KIF26B: variants seen among roughly 807,000 people sequenced by gnomAD.
KIF26B encodes kinesin-like protein KIF26B.
A neutral mutation model predicts 151.2 loss-of-function variants in KIF26B; 63 were observed. The observed-to-expected ratio is 0.42, with a 90% CI of 0.34 to 0.51. The LOEUF (loss-of-function observed/expected upper bound fraction) is 0.51. KIF26B is among the 20% of genes least tolerant of loss of function. The pLI, the probability that KIF26B is intolerant of heterozygous loss-of-function variation, is 0.07. For synonymous variants in KIF26B, 1,357 were observed against 1,262.1 expected, an observed-to-expected ratio of 1.08 and a Z score of -1.59; for missense variants, 2,813 against 2,913.6, an observed-to-expected ratio of 0.97 and a Z score of 0.79.
At chr1:245,414,529 G>T (rs1674371270) in intron 3 of KIF26B, among the ~76,000 whole-genome samples, 1 of 152,196 alleles carries the variant, frequency 6.6e-6, no homozygotes, top group African/African-American at 2.4e-5. Context: ...GAAACAGTCG[G>T]AAGTGACCAA....
At chr1:245,184,626 A>C (rs1244061713) in intron 2 of KIF26B, among the ~76,000 whole-genome samples, 1 of 152,274 alleles carries the variant, frequency 6.6e-6, no homozygotes, top group Non-Finnish European at 1.5e-5. Context: ...ATCTGAATTT[A>C]TGCAACAAAT....
At position 245,556,689 on chromosome 1, in the gene KIF26B, A is replaced by G. The variant is rs572492581; in HGVS notation, c.1350+15739A>G. On this transcript the variant is annotated intron_variant, in intron 5 of 14. Transcript: ENST00000407071. The stretch of plus-strand genomic sequence containing the variant: ...AGTGCTGGGATTACAGGCATGAGCC[A>G]CTGCATCTGGTGTTTTTGTTGTTGT... Among the ~76,000 whole-genome samples the G allele has an allele frequency of 1.1e-4, 13 of 120,388 alleles. No homozygotes were observed. In the South Asian group the frequency reaches 3.9e-3, roughly 36 times the overall value. The allele number at this position is 120,388 out of a possible 152,430, so 79.0% of individuals were successfully genotyped here. A position where few individuals can be genotyped will look rare whatever the true frequency, so the allele number is the denominator to read the frequency against.
intron 2 of KIF26B, among the ~76,000 whole-genome samples, chr1:245,200,913 G>A (rs1014731888): frequency 6.6e-6 from 1 of 152,228 alleles, no homozygotes; most frequent in Admixed American, 6.5e-5. Flanking sequence ...GAAAGTCATT[G>A]TGTGACCCCT....
chr1:245,290,355 T>G (rs1671235831), intron 2 of KIF26B, among the ~76,000 whole-genome samples: 1 of 152,186 alleles, frequency 6.6e-6, no homozygotes, highest in African/African-American at 2.4e-5. Flanking sequence ...GTCCATAAAG[T>G]GTAAGCAAGT....
chr1:245,310,062 T>C (rs917884692), intron 2 of KIF26B, among the ~76,000 whole-genome samples: 1 of 147,620 alleles, frequency 6.8e-6, no homozygotes. Context: ...TTATAATATA[T>C]ATTATATATA....
chr1:245,289,550 C>A (rs1671222216), intron 2 of KIF26B, among the ~76,000 whole-genome samples: 1 of 152,160 alleles, frequency 6.6e-6, no homozygotes, highest in Admixed American at 6.5e-5. Context: ...TAAACTGTGG[C>A]TTTGTGGCTC....
intron 4 of KIF26B, among the ~76,000 whole-genome samples, chr1:245,526,619 G>A (rs1021758432): frequency 1.3e-5 from 2 of 152,066 alleles, no homozygotes; most frequent in African/African-American, 2.4e-5. Context: ...TAACCAAGAC[G>A]CCCCCAAACC....
intron 10 of KIF26B, among the ~76,000 whole-genome samples, chr1:245,679,433 G>A (rs12691524): frequency 7.3e-6 from 1 of 136,308 alleles, no homozygotes; most frequent in Non-Finnish European, 1.5e-5. Context: ...AAATCTGGGG[G>A]TTTTTTGTGT....
intron 4 of KIF26B, among the ~76,000 whole-genome samples, chr1:245,521,885 A>G (rs1661118742): frequency 6.6e-6 from 1 of 150,428 alleles, no homozygotes; most frequent in African/African-American, 2.4e-5. Flanking sequence ...TTTTGTTTTG[A>G]GATGGAGTCT....
At chr1:245,513,634 A>G (rs958348125) in intron 4 of KIF26B, among the ~76,000 whole-genome samples, 1 of 152,158 alleles carries the variant, frequency 6.6e-6, no homozygotes, top group Non-Finnish European at 1.5e-5. Context: ...CGATCCCACT[A>G]TGCTGGTATG....
At chr1:245,232,724 A>G (rs1670023819) in intron 2 of KIF26B, among the ~76,000 whole-genome samples, 1 of 151,862 alleles carries the variant, frequency 6.6e-6, no homozygotes, top group Admixed American at 6.6e-5. Context: ...CTAATTTTGT[A>G]TTTTTAGTAG....
chr1:245,344,013 C>G (rs1672387971), intron 2 of KIF26B, among the ~76,000 whole-genome samples: 1 of 152,130 alleles, frequency 6.6e-6, no homozygotes. Flanking sequence ...AGGGCTCTGG[C>G]CTTGCTATGC....
intron 9 of KIF26B, among the ~76,000 whole-genome samples, chr1:245,642,155 A>C (rs2043898879): frequency 6.6e-6 from 1 of 152,160 alleles, no homozygotes; most frequent in South Asian, 2.1e-4. Context: ...CTGAGTCCTG[A>C]AGACTGTCCT....
intron 4 of KIF26B, among the ~76,000 whole-genome samples, chr1:245,525,334 T>G (rs1349011572): frequency 6.6e-6 from 1 of 152,198 alleles, no homozygotes; most frequent in East Asian, 1.9e-4. Flanking sequence ...AGTCACGTAT[T>G]AGGAGTCAGT....
rs3766646 is a variant in KIF26B at position 245,689,181 on chromosome 1, G to A, written c.5824+374G>A. Among the ~76,000 whole-genome samples the A allele has an allele frequency of 2.6e-5, 4 of 152,376 alleles. No individual in the cohort carries two copies. In the East Asian group the frequency reaches 5.8e-4, roughly 22 times the overall value. On this transcript the variant is annotated intron_variant, in intron 12 of 14. Transcript: ENST00000407071. ...GCAGGTGGCAGCATGACCCGCACCT[G>A]CTCGCTCTGGGGGCAGCCTGGCTCT...
intron 2 of KIF26B, among the ~76,000 whole-genome samples, chr1:245,267,861 C>T (rs1670776330): frequency 6.6e-6 from 1 of 152,090 alleles, no homozygotes; most frequent in African/African-American, 2.4e-5. Flanking sequence ...TTTTAGGGAG[C>T]TTTAAAGAAT....
chr1:245,566,137 A>AT (rs2043008163), intron 5 of KIF26B, among the ~76,000 whole-genome samples: 1 of 152,220 alleles, frequency 6.6e-6, no homozygotes, highest in Non-Finnish European at 1.5e-5. Context: ...TGGGGATTAC[A>AT]TTTCAACATG....
At chr1:245,366,741 G>C in intron 2 of KIF26B, 93 bp from the exon 3 acceptor site, 2 of 1,219,346 alleles carry the variant, frequency 1.6e-6, no homozygotes, top group Admixed American at 4.3e-5. Context: ...CTTTGAGTAC[G>C]TCTCGGGTTT....
At chr1:245,651,804 C>A (rs937247165) in intron 10 of KIF26B, among the ~76,000 whole-genome samples, 1 of 152,180 alleles carries the variant, frequency 6.6e-6, no homozygotes, top group Non-Finnish European at 1.5e-5. Flanking sequence ...GCCTGATGAT[C>A]TGAGGTGGAG....
Sources: gnomAD v4.1 joint callset for allele counts (sites outside exome capture counted in the v4.1 genomes callset) on GRCh38, gnomAD v4.1.1 for gene constraint, MANE v1.5 for transcripts, NCBI Gene and HGNC (gene_info 2026-07-23, HGNC 2026-07-21) for gene names.